The following PTPRD variants were observed in gnomAD, a reference collection of about 807,000 sequenced individuals.
The protein encoded by PTPRD is receptor-type tyrosine-protein phosphatase delta.
In PTPRD, 34 loss-of-function variants were observed where a neutral mutation model predicts 214.5. The ratio of observed to expected loss-of-function variants is 0.16; its 90% CI spans 0.12 to 0.21. The LOEUF (loss-of-function observed/expected upper bound fraction) is 0.21. Ranked by LOEUF, PTPRD falls within the 10% of genes least tolerant of loss-of-function variation. The pLI, the probability that PTPRD is intolerant of heterozygous loss-of-function variation, is 1.00. For missense variants in PTPRD, 2,545 were observed against 2,398.7 expected, an observed-to-expected ratio of 1.06 and a Z score of -1.27; for synonymous variants, 1,128 against 845.7, an observed-to-expected ratio of 1.33 and a Z score of -5.79.
chr9:9,544,319 T>A (rs945229365), intron 8 of PTPRD, among the ~76,000 whole-genome samples: 1 of 151,660 alleles, frequency 6.6e-6, no homozygotes, highest in Non-Finnish European at 1.5e-5. Flanking sequence ...TATTTTTAGG[T>A]TTCCTTATCA....
intron 10 of PTPRD, among the ~76,000 whole-genome samples, chr9:9,067,302 G>A (rs769516940): frequency 6.6e-6 from 1 of 152,186 alleles, no homozygotes; most frequent in African/African-American, 2.4e-5. Flanking sequence ...CTGTATTTTT[G>A]TGTTTATTAC....
intron 5 of PTPRD, among the ~76,000 whole-genome samples, chr9:9,887,564 C>T (rs2071440892): frequency 6.6e-6 from 1 of 152,144 alleles, no homozygotes; most frequent in African/African-American, 2.4e-5. Flanking sequence ...TGTTAAACTT[C>T]CCTGTGGGAT....
chr9:9,694,122 T>C (rs1268205612), intron 7 of PTPRD, among the ~76,000 whole-genome samples: 1 of 152,194 alleles, frequency 6.6e-6, no homozygotes, highest in Non-Finnish European at 1.5e-5. Flanking sequence ...GTTCATCTGG[T>C]GAGGTCATGT....
intron 11 of PTPRD, among the ~76,000 whole-genome samples, chr9:8,966,692 C>G (rs2099197537): frequency 6.6e-6 from 1 of 151,942 alleles, no homozygotes; most frequent in Admixed American, 6.6e-5. Context: ...TCAACATCAG[C>G]CTTGGAAAAG....
intron 7 of PTPRD, among the ~76,000 whole-genome samples, chr9:9,657,693 A>AT (rs1340887545): frequency 6.6e-6 from 1 of 152,184 alleles, no homozygotes; most frequent in African/African-American, 2.4e-5. Flanking sequence ...TATTGGCAGA[A>AT]TTTTTTTAAA....
chr9:8,759,931 C>T lies in PTPRD; in HGVS notation c.-103-25985G>A, dbSNP rs565517433. On this transcript the variant is annotated intron_variant, in intron 11 of 45. Coordinates refer to ENST00000381196, the MANE Select transcript of PTPRD (RefSeq NM_002839.4). Reference sequence around the variant, plus strand: ...TATCCTCTAACTGACAGGACCTATCCAGACACTGTTTGTTGAAAGATTCCA... The same window carrying T: ...TATCCTCTAACTGACAGGACCTATCTAGACACTGTTTGTTGAAAGATTCCA... Among the ~76,000 whole-genome samples the T allele has an allele frequency of 3.3e-5, 5 of 152,274 alleles. No homozygotes were observed. The South Asian group carries it at 8.3e-4, about 25-fold the overall frequency.
chr9:8,558,931 CAATT>C (rs1593738556), intron 14 of PTPRD, among the ~76,000 whole-genome samples: 2 of 152,210 alleles, frequency 1.3e-5, no homozygotes, highest in East Asian at 3.9e-4. Context: ...CAGAACTTAT[CAATT>C]AATTGAGTAA....
At position 10,547,268 on chromosome 9, in the gene PTPRD, T is replaced by C. The variant is rs575038622; in HGVS notation, c.-600+65130A>G. Among the ~76,000 whole-genome samples, 6 of 152,234 alleles carry C rather than the reference T, an allele frequency of 3.9e-5. No individual in the cohort carries two copies. The South Asian group carries it at 6.2e-4, about 16-fold the overall frequency. ...TTTTACAAATTATTCTAAGGTTTTA[T>C]TGATTTATAGAATGTAGTTTGATTA... On this transcript the variant is annotated intron_variant, in intron 2 of 45. Transcript: ENST00000381196.
intron 11 of PTPRD, among the ~76,000 whole-genome samples, chr9:8,814,089 G>C (rs1299260151): frequency 6.6e-6 from 1 of 152,132 alleles, no homozygotes; most frequent in African/African-American, 2.4e-5. Context: ...GACACATAAT[G>C]ATGCTCAATA....
chr9:9,071,793 G>A lies in PTPRD; in HGVS notation c.-142-53058C>T, dbSNP rs537685456. Among the ~76,000 whole-genome samples, 14 of 152,262 alleles carry A rather than the reference G, an allele frequency of 9.2e-5. No individual in the cohort carries two copies. The East Asian group carries it at 1.2e-3, about 13-fold the overall frequency. ...GGCTCTTGATTCATAAAAACTGGGA[G>A]AAAACAAGTGTGTGTTATTTTAAGC... is the stretch of plus-strand genomic sequence containing the variant. On this transcript the variant is annotated intron_variant, in intron 10 of 45. Transcript: ENST00000381196.
intron 4 of PTPRD, among the ~76,000 whole-genome samples, chr9:9,942,184 C>T (rs1027790406): frequency 5.3e-5 from 8 of 152,050 alleles, no homozygotes; most frequent in Non-Finnish European, 8.8e-5. Flanking sequence ...GCAAAATTTC[C>T]TTCTGGAAAT....
At chr9:8,848,196 C>T (rs1173217967) in intron 11 of PTPRD, among the ~76,000 whole-genome samples, 4 of 151,666 alleles carry the variant, frequency 2.6e-5, no homozygotes, top group Non-Finnish European at 5.9e-5. Flanking sequence ...GAATCAAAAC[C>T]CCTTTGGTAA....
rs556039631 is a variant in PTPRD at position 9,456,880 on chromosome 9, A to G, written c.-236-59398T>C. On this transcript the variant is annotated intron_variant, in intron 8 of 45. Coordinates refer to ENST00000381196, the MANE Select transcript of PTPRD (RefSeq NM_002839.4). Reference sequence around the variant, plus strand: ...ACCTTGAGCTCTTTACTAAAATGTGATATTTTCAAAAGAAGAGAGGAAGGA... The same window carrying G: ...ACCTTGAGCTCTTTACTAAAATGTGGTATTTTCAAAAGAAGAGAGGAAGGA... Among the ~76,000 whole-genome samples the G allele has an allele frequency of 7.8e-4, 118 of 152,076 alleles. No individual in the cohort carries two copies. In the South Asian group the frequency reaches 0.023, roughly 29 times the overall value.
intron 2 of PTPRD, among the ~76,000 whole-genome samples, chr9:10,491,132 C>T (rs2040081203): frequency 6.6e-6 from 1 of 152,070 alleles, no homozygotes; most frequent in Non-Finnish European, 1.5e-5. Flanking sequence ...TCCAGGATAT[C>T]CTGTGTTCAA....
rs1473269902 is a variant in PTPRD, at chr9:8,994,176, G to C, written c.-104+24521C>G. Among the ~76,000 whole-genome samples the C allele has an allele frequency of 3.9e-5, 6 of 152,210 alleles. No homozygotes were observed. The East Asian group carries it at 9.6e-4, about 24-fold the overall frequency. On this transcript the variant is annotated intron_variant, in intron 11 of 45. Coordinates refer to ENST00000381196, the MANE Select transcript of PTPRD (RefSeq NM_002839.4). ...AACATCTTCCCCTCTTTCTGTCTCAGTCTCCCTCCCTCAACCAACTCACTT... is the reference window on the plus strand; with the variant it reads ...AACATCTTCCCCTCTTTCTGTCTCACTCTCCCTCCCTCAACCAACTCACTT...
At chr9:8,607,198 A>G (rs72698216) in intron 14 of PTPRD, among the ~76,000 whole-genome samples, 15,233 of 152,242 alleles carry the variant, frequency 0.1, 901 homozygotes, top group East Asian at 0.17. Context: ...CAAAAAATAT[A>G]ACTAGGTGAG....
chr9:9,275,164 A>T (rs541238630), intron 9 of PTPRD, among the ~76,000 whole-genome samples: 3,387 of 48,848 alleles, frequency 0.069, 135 homozygotes, highest in Admixed American at 0.091. Context: ...TATATATATA[A>T]CATATATATA....
chr9:10,291,148 A>G (rs73644407), intron 3 of PTPRD, among the ~76,000 whole-genome samples: 9,360 of 151,856 alleles, frequency 0.062, 384 homozygotes, highest in South Asian at 0.15. Context: ...TTCTTCAGTG[A>G]TAAATAGAGA....
At chr9:9,739,229 G>C (rs1205317553) in intron 6 of PTPRD, among the ~76,000 whole-genome samples, 1 of 152,154 alleles carries the variant, frequency 6.6e-6, no homozygotes, top group Non-Finnish European at 1.5e-5. Flanking sequence ...CTGAATACAA[G>C]TGGTGATACT....
Sources: gnomAD v4.1 joint callset for allele counts (sites outside exome capture counted in the v4.1 genomes callset) on GRCh38, gnomAD v4.1.1 for gene constraint, MANE v1.5 for transcripts, NCBI Gene and HGNC (gene_info 2026-07-23, HGNC 2026-07-21) for gene names.